Variants in TNS1 observed in about 807,000 individuals in gnomAD.
TNS1 encodes the protein tensin 1, also known as tensin-1.
In TNS1, 62 loss-of-function variants were observed where a neutral mutation model predicts 168.6. The observed-to-expected ratio is 0.37, with a 90% CI of 0.30 to 0.45. TNS1 has a LOEUF of 0.45. TNS1 is among the 20% of genes least tolerant of loss of function. The pLI, the probability that TNS1 is intolerant of heterozygous loss-of-function variation, is 1.00. For missense variants in TNS1, 2,240 were observed against 2,339.4 expected (o/e 0.96, Z 0.88); for synonymous variants, 934 against 933.2 (o/e 1.00, Z -0.02).
intron 18 of TNS1, among the ~76,000 whole-genome samples, chr2:217,866,400 G>A (rs944052681): frequency 1.3e-5 from 2 of 152,122 alleles, no homozygotes; most frequent in African/African-American, 2.4e-5. Context: ...TGGCAGGCCT[G>A]TATCTCCTCT....
chr2:217,923,653 T>C (rs1955854370), intron 3 of TNS1, among the ~76,000 whole-genome samples: 2 of 152,198 alleles, frequency 1.3e-5, no homozygotes, highest in African/African-American at 4.8e-5. Context: ...GTGCACTATG[T>C]CTACACTCAG....
rs185370388 is a variant in TNS1, at chr2:217,855,511, G to A, written c.1430-6424C>T. 1.5e-3 allele frequency among the ~76,000 whole-genome samples: 234 copies of A among 152,272 alleles called. 3 individuals carry two copies. The highest frequency in any genetic ancestry group is 0.011 in the East Asian group (56 of 5,174). Reference sequence around the variant, plus strand: ...CAGAATGGTCATTACTGATGTCCATGTCTGTCTTCCCACTTTGCTGAGAGC... The same window carrying A: ...CAGAATGGTCATTACTGATGTCCATATCTGTCTTCCCACTTTGCTGAGAGC... On this transcript the variant is annotated intron_variant, in intron 18 of 32. Coordinates refer to ENST00000682258, the MANE Select transcript of TNS1 (RefSeq NM_001387777.1).
chr2:217,861,242 G>C (rs1329072866), intron 18 of TNS1, among the ~76,000 whole-genome samples: 1 of 152,088 alleles, frequency 6.6e-6, no homozygotes, highest in African/African-American at 2.4e-5. Context: ...GTGCCCGATG[G>C]AGTGGGTCAG....
intron 3 of TNS1, among the ~76,000 whole-genome samples, chr2:217,955,776 G>C (rs1957346872): frequency 6.6e-6 from 1 of 152,190 alleles, no homozygotes; most frequent in African/African-American, 2.4e-5. Context: ...TCTGTCCATG[G>C]CCTCAAACAA....
intron 1 of TNS1, among the ~76,000 whole-genome samples, chr2:218,001,113 A>G (rs1958555077): frequency 6.6e-6 from 1 of 152,016 alleles, no homozygotes; most frequent in South Asian, 2.1e-4. Flanking sequence ...AGATCATGCC[A>G]TTGCACTCCA....
In TNS1 at chr2:217,818,195, G is replaced by A. The variant is rs769680337; in HGVS notation, c.4137C>T (p.His1379=). ...CCAGGTTGCCTTGGTGAGCCCCAGG[G>A]TGCCGGCCCAGGCTGGGACTCCCCG... ...TTPGSPSLGR[H]PGAHQGNLAS... is the part of the protein sequence containing the mutation. The change falls in exon 24 of 33, where the codon CAC becomes CAT. Residue 1379 remains histidine (H), a synonymous_variant. Transcript: ENST00000682258. 2 of 1,613,898 alleles carry A rather than the reference G, an allele frequency of 1.2e-6. No individual in the cohort carries two copies. Among genetic ancestry groups the A allele is most frequent in the East Asian group, 4.5e-5 (2 of 44,878 alleles).
chr2:217,977,389 T>C (rs1957922076), intron 3 of TNS1, among the ~76,000 whole-genome samples: 1 of 152,192 alleles, frequency 6.6e-6, no homozygotes, highest in South Asian at 2.1e-4. Flanking sequence ...TCTGCATCTC[T>C]GCAAGGGGAG....
intron 3 of TNS1, among the ~76,000 whole-genome samples, chr2:217,952,987 A>G (rs1274652673): frequency 2.0e-5 from 3 of 152,190 alleles, no homozygotes; most frequent in African/African-American, 7.2e-5. Flanking sequence ...GAGCTCAATG[A>G]CGTCAACCCT....
intron 18 of TNS1, among the ~76,000 whole-genome samples, chr2:217,878,917 C>T (rs1007904676): frequency 7.2e-5 from 11 of 152,230 alleles, no homozygotes; most frequent in Middle Eastern, 3.2e-3. Context: ...TCTGCCCCCT[C>T]GCCCTTCCTT....
chr2:217,894,364 A>T (rs938826132), intron 9 of TNS1, among the ~76,000 whole-genome samples: 26 of 152,216 alleles, frequency 1.7e-4, no homozygotes, highest in African/African-American at 6.3e-4. Context: ...CAGAATAAAA[A>T]GCAGCAACAG....
intron 32 of TNS1, among the ~76,000 whole-genome samples, chr2:217,805,614 CA>C (rs879200894): frequency 0.082 from 1,019 of 12,484 alleles, no homozygotes; most frequent in African/African-American, 0.1. Context: ...ACACACACCA[CA>C]CACATACACA....
intron 18 of TNS1, among the ~76,000 whole-genome samples, chr2:217,867,468 T>C (rs534471291): frequency 4.7e-4 from 72 of 152,372 alleles, no homozygotes; most frequent in Non-Finnish European, 9.3e-4. Flanking sequence ...TTTAAAAACC[T>C]AGTTATTAAA....
chr2:217,932,153 G>T (rs1369486258), intron 3 of TNS1, among the ~76,000 whole-genome samples: 2 of 152,166 alleles, frequency 1.3e-5, no homozygotes, highest in Non-Finnish European at 2.9e-5. Context: ...AGCAGATTCA[G>T]CTCCATGAGA....
At chr2:217,834,082 T>C (rs1026748373) in intron 21 of TNS1, among the ~76,000 whole-genome samples, 1 of 152,250 alleles carries the variant, frequency 6.6e-6, no homozygotes. Flanking sequence ...TATATTTCCA[T>C]TGGACAGTAC....
chr2:217,956,390 G>A (rs1028392128), intron 3 of TNS1, among the ~76,000 whole-genome samples: 1 of 152,104 alleles, frequency 6.6e-6, no homozygotes, highest in Non-Finnish European at 1.5e-5. Flanking sequence ...GAGTGATACA[G>A]AGTCCTGAGG....
chr2:217,903,845 T>C, intron 6 of TNS1: 1 of 494,508 alleles, frequency 2.0e-6, no homozygotes. Context: ...TGTTATCTGC[T>C]GCCTTCTTCC....
intron 22 of TNS1, among the ~76,000 whole-genome samples, chr2:217,829,505 C>T (rs1349043778): frequency 1.3e-5 from 2 of 152,242 alleles, no homozygotes; most frequent in Non-Finnish European, 2.9e-5. Context: ...CCCTGTCTAC[C>T]TCTATGAGCT....
chr2:218,030,233 C>G (rs968218106), intron 1 of TNS1, among the ~76,000 whole-genome samples: 9 of 152,220 alleles, frequency 5.9e-5, no homozygotes, highest in Admixed American at 5.2e-4. Flanking sequence ...GGTCCCGGCT[C>G]TTCTCCATGC....
At chr2:218,020,634 G>A (rs573446749) in intron 1 of TNS1, among the ~76,000 whole-genome samples, 62 of 152,314 alleles carry the variant, frequency 4.1e-4, no homozygotes, top group African/African-American at 1.4e-3. Context: ...GAATATGGAA[G>A]AAGAACTTCT....
Sources: gnomAD v4.1 joint callset for allele counts (sites outside exome capture counted in the v4.1 genomes callset) on GRCh38, gnomAD v4.1.1 for gene constraint, MANE v1.5 for transcripts, NCBI Gene and HGNC (gene_info 2026-07-23, HGNC 2026-07-21) for gene names.